CCNF: variants seen among roughly 807,000 people sequenced by gnomAD.
CCNF encodes cyclin-F.
Under a neutral mutation model 85.4 loss-of-function variants are expected in CCNF, and 30 were observed. The observed-to-expected ratio is 0.35, with a 90% CI of 0.26 to 0.48. The LOEUF (loss-of-function observed/expected upper bound fraction) is 0.48. Ranked by LOEUF, CCNF falls within the 20% of genes least tolerant of loss-of-function variation. CCNF has a pLI of 0.99. For missense variants in CCNF, 919 were observed against 1,010.4 expected (o/e 0.91, Z 1.23); for synonymous variants, 439 against 425.1 (o/e 1.03, Z -0.40).
At chr16:2,432,569 C>T (rs1034833672) in intron 2 of CCNF, among the ~76,000 whole-genome samples, 6 of 152,166 alleles carry the variant, frequency 3.9e-5, no homozygotes, top group African/African-American at 1.2e-4. Context: ...TCCCTGTGAC[C>T]TGTTTCCACA....
At chr16:2,450,229 G>A (rs2065386845) in intron 13 of CCNF, among the ~76,000 whole-genome samples, 1 of 150,908 alleles carries the variant, frequency 6.6e-6, no homozygotes, top group Non-Finnish European at 1.5e-5. Context: ...GCCAGGCATG[G>A]TGGCTCACAC....
chr16:2,441,958 TA>T (rs1333641497), intron 8 of CCNF, among the ~76,000 whole-genome samples: 4 of 126,148 alleles, frequency 3.2e-5, no homozygotes, highest in Non-Finnish European at 5.0e-5. Flanking sequence ...TATATATATA[TA>T]TATATATATA....
chr16:2,433,603 C>A (rs894082309), intron 3 of CCNF, among the ~76,000 whole-genome samples: 1 of 151,914 alleles, frequency 6.6e-6, no homozygotes, highest in Non-Finnish European at 1.5e-5. Context: ...TTGTTTTTTT[C>A]TTGAGACGGA....
chr16:2,433,949 C>T (rs1301605810), intron 3 of CCNF, among the ~76,000 whole-genome samples: 1 of 152,192 alleles, frequency 6.6e-6, no homozygotes, highest in African/African-American at 2.4e-5. Flanking sequence ...TGGGCTGCTT[C>T]CAGGGGGAAT....
Position 2,456,994 on chromosome 16 carries a change from A to G in CCNF, c.2335A>G (p.Met779Val), listed in dbSNP as rs1332535145. ...ATGCATACACAGTGAGGAGGAGGAC[A>G]TGAACCTGGGCCTTGTGAGGCTGTA... ...NLCIHSEEED[M>V]NLGLVRL The change falls in exon 17 of 17, where the codon ATG (methionine) becomes GTG (valine). Residue 779 changes from methionine (M) to valine (V), a missense_variant. Physicochemically the swap from Met to Val is conservative, Grantham distance 21. Transcript: ENST00000397066. The surrounding 1 kb of genome is among the most constrained non-coding windows in gnomAD (Gnocchi z 4.5). 2 of 1,597,268 alleles carry G rather than the reference A, an allele frequency of 1.3e-6. No individual in the cohort carries two copies. The highest frequency in any genetic ancestry group is 3.4e-5 in the Admixed American group (2 of 58,888).
chr16:2,429,766 CG>C (rs2065253475), intron 1 of CCNF, among the ~76,000 whole-genome samples: 1 of 151,762 alleles, frequency 6.6e-6, no homozygotes, highest in Admixed American at 6.6e-5. Context: ...GATCGGGTCC[CG>C]GGGCAGCGAT....
Position 2,453,168 on chromosome 16 carries a change from G to A in CCNF, c.1488-42G>A. On this transcript the variant is annotated intron_variant, in intron 13 of 16. Transcript: ENST00000397066. The surrounding 1 kb of genome is among the most constrained non-coding windows in gnomAD (Gnocchi z 5.6). ...AGTGAACTGAAGCTAAAAATGGGGT[G>A]GGGGTGCCTCACATGTCCACTCCAC... 6.5e-7 allele frequency: 1 copy of A among 1,546,570 alleles called. No homozygotes were observed. Among genetic ancestry groups the A allele is most frequent in the Non-Finnish European group, 8.9e-7 (1 of 1,119,204 alleles).
At chr16:2,436,642 C>G (rs922709129) in intron 4 of CCNF, 4 of 152,426 alleles carry the variant, frequency 2.6e-5, no homozygotes, top group African/African-American at 7.2e-5. Flanking sequence ...AGAGCAGTTC[C>G]CAGACATAAA....
In CCNF at chr16:2,442,948, A is replaced by T. The variant is rs1340271719; in HGVS notation, c.778-701A>T. Among the ~76,000 whole-genome samples the T allele has an allele frequency of 2.5e-4, 20 of 79,666 alleles. No individual in the cohort carries two copies. The South Asian group carries it at 5.6e-3, about 22-fold the overall frequency. The allele number at this position is 79,666 out of a possible 152,430, so 52.3% of individuals were successfully genotyped here. On this transcript the variant is annotated intron_variant, in intron 8 of 16. Transcript: ENST00000397066. The stretch of plus-strand genomic sequence containing the variant: ...ATATATATGATTATTATATATTATT[A>T]TATTATATATTTTTATATATTTATA...
intron 8 of CCNF, among the ~76,000 whole-genome samples, chr16:2,441,502 C>G (rs1258414133): frequency 1.3e-5 from 2 of 151,534 alleles, no homozygotes; most frequent in Admixed American, 1.3e-4. Flanking sequence ...CGCAGTGGCT[C>G]ACATTTATAA....
chr16:2,437,407 C>T, intron 5 of CCNF, 85 bp downstream of exon 5: 3 of 1,084,018 alleles, frequency 2.8e-6, no homozygotes, highest in Non-Finnish European at 2.5e-6. Context: ...ATCCTGGACC[C>T]TGGAAAGTCA....
chr16:2,433,007 G>T lies in CCNF; in HGVS notation c.218G>T (p.Trp73Leu). 1 of 1,611,446 alleles carries T rather than the reference G, an allele frequency of 6.2e-7. No homozygotes were observed. Among genetic ancestry groups the T allele is most frequent in the Non-Finnish European group, 8.5e-7 (1 of 1,177,952 alleles). The change falls in exon 3 of 17, where the codon TGG becomes TTG. Residue 73 changes from tryptophan to leucine, a missense_variant. Around this residue, in one of 3 missense-constraint regions of CCNF, gnomAD observed 410 missense variants for 478.6 expected, o/e 0.86. Transcript: ENST00000397066. ...CTGGTGGACAACCACGCCAGTGTGT[G>T]GGCATGTGCCAGCTTCCAGGAGCTG... Reference protein sequence around the residue: ...KDLVDNHASVWACASFQELWP... With the variant: ...KDLVDNHASVLACASFQELWP...
intron 3 of CCNF, among the ~76,000 whole-genome samples, chr16:2,435,020 C>T (rs566019477): frequency 4.1e-4 from 63 of 152,064 alleles, no homozygotes; most frequent in African/African-American, 1.2e-3. Context: ...TTTGGGAGGC[C>T]GAGGCGGGTG....
chr16:2,439,482 G>C (rs748281612), intron 7 of CCNF, 25 bp downstream of exon 7: 24 of 1,535,342 alleles, frequency 1.6e-5, no homozygotes, highest in Admixed American at 3.5e-5. Flanking sequence ...CTCTGGGTCG[G>C]GGGGAGTTAT....
At chr16:2,447,275 CTTTTT>C (rs537679553) in intron 10 of CCNF, among the ~76,000 whole-genome samples, 2 of 141,594 alleles carry the variant, frequency 1.4e-5, no homozygotes, top group East Asian at 4.1e-4. Flanking sequence ...GCCTTATTAT[CTTTTT>C]TTTTTTTTTT....
At chr16:2,433,912 A>T (rs373873685) in intron 3 of CCNF, among the ~76,000 whole-genome samples, 1 of 152,382 alleles carries the variant, frequency 6.6e-6, no homozygotes. Context: ...CAACCAGGGC[A>T]GGCAGCCATG....
chr16:2,446,047 CAT>C (rs1251525563), intron 10 of CCNF, among the ~76,000 whole-genome samples: 9 of 152,206 alleles, frequency 5.9e-5, no homozygotes, highest in African/African-American at 2.2e-4. Context: ...GTTCTTGACT[CAT>C]GAGCCACGAG....
Position 2,435,987 on chromosome 16 carries a change from G to A in CCNF, c.346+114G>A, listed in dbSNP as rs1007033424. On this transcript the variant is annotated intron_variant, in intron 4 of 16. Transcript: ENST00000397066. The stretch of plus-strand genomic sequence containing the variant: ...AGTTGCTGTCCTTGCTCTATCCGAT[G>A]GCCTGCCTCCCCATTCCCTCTCAGG... 3.3e-5 allele frequency: 22 copies of A among 665,844 alleles called. No homozygotes were observed. In the Admixed American group the frequency reaches 5.2e-4, roughly 16 times the overall value. The allele number at this position is 665,844 out of a possible 1,614,324, so 41.2% of individuals were successfully genotyped here.
chr16:2,455,704 C>T, intron 16 of CCNF, 140 bp downstream of exon 16: 1 of 1,355,296 alleles, frequency 7.4e-7, no homozygotes, highest in Non-Finnish European at 9.6e-7. Flanking sequence ...AGCTCCTGCC[C>T]CGCCGGGGAG....
Sources: gnomAD v4.1 joint callset for allele counts (sites outside exome capture counted in the v4.1 genomes callset) on GRCh38, gnomAD v4.1.1 for gene constraint, gnomAD v4.1.1 regional missense constraint, Gnocchi (gnomAD v3.1) non-coding constraint, MANE v1.5 for transcripts, NCBI Gene and HGNC (gene_info 2026-07-23, HGNC 2026-07-21) for gene names.